ATP8B4: variants seen among roughly 807,000 people sequenced by gnomAD.
ATP8B4 encodes the protein ATPase phospholipid transporting 8B4 (putative).
In ATP8B4, 133 loss-of-function variants were observed where a neutral mutation model predicts 145.6. The ratio of observed to expected loss-of-function variants is 0.91; its 90% CI spans 0.79 to 1.05. The LOEUF (loss-of-function observed/expected upper bound fraction) is 1.05, where lower values mean the gene tolerates loss of function less well. ATP8B4 is among the 50% of genes least tolerant of loss of function. The pLI is 0.00. For missense variants in ATP8B4, 1,458 were observed against 1,425.2 expected, an observed-to-expected ratio of 1.02 and a Z score of -0.37; for synonymous variants, 507 against 492.9, an observed-to-expected ratio of 1.03 and a Z score of -0.38.
intron 20 of ATP8B4, among the ~76,000 whole-genome samples, chr15:49,907,602 A>G (rs2038762585): frequency 1.3e-5 from 2 of 152,332 alleles, no homozygotes; most frequent in South Asian, 4.1e-4. Context: ...TGCGCATGGA[A>G]CAGTCATAAA....
intron 3 of ATP8B4, among the ~76,000 whole-genome samples, chr15:50,065,013 T>C (rs2153627397): frequency 6.6e-6 from 1 of 152,212 alleles, no homozygotes; most frequent in South Asian, 2.1e-4. Context: ...CCTCCAACAC[T>C]AGCGATGACA....
Position 50,034,985 on chromosome 15 carries a change from C to T in ATP8B4, c.362+3783G>A, listed in dbSNP as rs1283600654. On this transcript the variant is annotated intron_variant, in intron 6 of 27. Coordinates refer to ENST00000284509, the MANE Select transcript of ATP8B4 (RefSeq NM_024837.4). ...ACTTCTTGTGCAGCAGTCACATTAA[C>T]GTCTACAAGAAGGAATCATGCCACC... is the stretch of plus-strand genomic sequence containing the variant. Among the ~76,000 whole-genome samples the T allele has an allele frequency of 5.9e-5, 9 of 152,152 alleles. No homozygotes were observed. In the East Asian group the frequency reaches 1.3e-3, roughly 23 times the overall value.
At chr15:49,931,028 T>C in intron 16 of ATP8B4, 91 bp downstream of exon 16, 1 of 1,383,454 alleles carries the variant, frequency 7.2e-7, no homozygotes, top group Non-Finnish European at 9.9e-7. Context: ...ATCACAACCC[T>C]CAGCACATAG....
At chr15:50,018,899 G>A (rs568380035) in intron 6 of ATP8B4, 2 of 1,239,800 alleles carry the variant, frequency 1.6e-6, no homozygotes, top group East Asian at 1.1e-4. Context: ...ATTTTTCTCA[G>A]GACCAGGATA....
chr15:50,044,771 A>G, intron 4 of ATP8B4, 79 bp from the exon 5 acceptor site: 1 of 971,742 alleles, frequency 1.0e-6, no homozygotes. Flanking sequence ...TTAATTTCAA[A>G]TTAATGGGGT....
chr15:50,063,986 A>T (rs72734869), intron 3 of ATP8B4, among the ~76,000 whole-genome samples: 6,041 of 152,214 alleles, frequency 0.04, 223 homozygotes, highest in Admixed American at 0.12. Flanking sequence ...CCAAAGAAAG[A>T]AAAGGCTGTT....
chr15:49,868,656 A>G (rs1598796274), intron 25 of ATP8B4, among the ~76,000 whole-genome samples: 1 of 152,180 alleles, frequency 6.6e-6, no homozygotes, highest in East Asian at 1.9e-4. Context: ...AATAATTAAC[A>G]TGTAAGAGTT....
chr15:49,943,791 G>A (rs991822841), intron 14 of ATP8B4, among the ~76,000 whole-genome samples: 1 of 152,174 alleles, frequency 6.6e-6, no homozygotes, highest in South Asian at 2.1e-4. Context: ...AAAGTCATTG[G>A]TAAAGGTAAA....
chr15:50,138,492 C>G (rs575211294), intron 1 of ATP8B4, among the ~76,000 whole-genome samples: 1 of 151,982 alleles, frequency 6.6e-6, no homozygotes, highest in South Asian at 2.1e-4. Context: ...TAGATAGATA[C>G]CTGAATAAAT....
intron 12 of ATP8B4, 125 bp downstream of exon 12, chr15:49,979,492 A>C (rs2045971509): frequency 2.9e-6 from 2 of 684,090 alleles, no homozygotes; most frequent in South Asian, 9.0e-5. Context: ...TTTGTAACAG[A>C]TGTTGCAGAT....
At chr15:49,902,430 A>G (rs1243552202) in intron 20 of ATP8B4, 1 of 152,224 alleles carries the variant, frequency 6.6e-6, no homozygotes, top group East Asian at 1.9e-4. Context: ...TTACATACTA[A>G]GTTTAAAAAT....
chr15:50,175,978 G>C (rs1467174434), intron 1 of ATP8B4, among the ~76,000 whole-genome samples: 1 of 151,770 alleles, frequency 6.6e-6, no homozygotes, highest in Non-Finnish European at 1.5e-5. Flanking sequence ...AGTGGTTAAA[G>C]ATACTGTGAT....
rs769319937 is a variant in ATP8B4, at chr15:49,924,896, C to T, written c.1643-1402G>A. Among the ~76,000 whole-genome samples the T allele has an allele frequency of 3.6e-4, 55 of 152,258 alleles. No individual in the cohort carries two copies. The Middle Eastern group carries it at 0.01, about 28-fold the overall frequency. The stretch of plus-strand genomic sequence containing the variant: ...GAAACTTAATCCTAGGAAAGACTCT[C>T]TCTTGATTTTCTTGTACAATAATCC... On this transcript the variant is annotated intron_variant, in intron 16 of 27. Coordinates refer to ENST00000284509, the MANE Select transcript of ATP8B4 (RefSeq NM_024837.4).
rs753542910 is a variant in ATP8B4, at chr15:50,104,887, A to ACACACACACACACACACACACC, written c.28+2051_28+2052insGGTGTGTGTGTGTGTGTGTGTG. 1.3e-4 allele frequency among the ~76,000 whole-genome samples: 19 copies of ACACACACACACACACACACACC among 151,510 alleles called. No homozygotes were observed. The East Asian group carries it at 2.3e-3, about 19-fold the overall frequency. On this transcript the variant is annotated intron_variant, in intron 2 of 27. Transcript: ENST00000284509. ...TGCATACACACACACACACACACAC[A>ACACACACACACACACACACACC]CCCATATATACACTATGGAATACTA...
chr15:50,003,826 G>A lies in ATP8B4; in HGVS notation c.436-1603C>T, dbSNP rs1386468540. Among the ~76,000 whole-genome samples, 3 of 152,098 alleles carry A rather than the reference G, an allele frequency of 2.0e-5. No individual in the cohort carries two copies. The East Asian group carries it at 5.8e-4, about 29-fold the overall frequency. ...GTGTTACTGTTGAAGACTGGGTGGG[G>A]CTGCACTGACACTCACACCATGGTA... On this transcript the variant is annotated intron_variant, in intron 7 of 27. Transcript: ENST00000284509.
chr15:50,123,063 T>C (rs893396408), upstream of ATP8B4, among the ~76,000 whole-genome samples: 4 of 152,182 alleles, frequency 2.6e-5, no homozygotes, highest in African/African-American at 4.8e-5. Context: ...CATAAGCCAT[T>C]GTCTAACAAA....
chr15:49,888,008 T>G (rs2036395902), intron 23 of ATP8B4, among the ~76,000 whole-genome samples: 1 of 152,220 alleles, frequency 6.6e-6, no homozygotes, highest in Non-Finnish European at 1.5e-5. Context: ...CCTTTTCCTA[T>G]GTGTTGCAGA....
intron 1 of ATP8B4, among the ~76,000 whole-genome samples, chr15:50,132,181 T>C (rs1233717417): frequency 6.6e-6 from 1 of 152,186 alleles, no homozygotes; most frequent in East Asian, 1.9e-4. Context: ...AAATAATTAG[T>C]ATTCTGTTTC....
chr15:49,986,930 G>T (rs1232199530), intron 10 of ATP8B4, among the ~76,000 whole-genome samples: 1 of 114,602 alleles, frequency 8.7e-6, no homozygotes, highest in Non-Finnish European at 1.6e-5. Flanking sequence ...AGTGGAAAAA[G>T]CTATGGAGTA....
Sources: gnomAD v4.1 joint callset for allele counts (sites outside exome capture counted in the v4.1 genomes callset) on GRCh38, gnomAD v4.1.1 for gene constraint, MANE v1.5 for transcripts, NCBI Gene and HGNC (gene_info 2026-07-23, HGNC 2026-07-21) for gene names.